Variants in HMCN2 observed in about 807,000 individuals in gnomAD.
HMCN2 encodes hemicentin-2.
Under a neutral mutation model 377.5 loss-of-function variants are expected in HMCN2, and 325 were observed. The observed-to-expected ratio is 0.86, with a 90% CI of 0.79 to 0.94. HMCN2 has a LOEUF of 0.94. Ranked by LOEUF, HMCN2 falls within the 40% of genes least tolerant of loss-of-function variation. The pLI, the probability that HMCN2 is intolerant of heterozygous loss-of-function variation, is 0.00. For synonymous variants in HMCN2, 2,007 were observed against 2,046.8 expected (o/e 0.98, Z 0.53); for missense variants, 4,543 against 4,725.3 (o/e 0.96, Z 1.13).
intron 84 of HMCN2, among the ~76,000 whole-genome samples, chr9:130,410,349 C>T (rs1843343039): frequency 6.6e-6 from 1 of 152,202 alleles, no homozygotes; most frequent in African/African-American, 2.4e-5. Flanking sequence ...GTAGTCACAG[C>T]CCCCTGTTTT....
At position 130,395,364 on chromosome 9, in the gene HMCN2, GC is replaced by G; in HGVS notation, c.10911+21del. ...GTGCTGCAGGTGGGCGCCAGGCAGG[GC>G]CCCAGGGTGCTGCCTTCTGTCCCGC... On this transcript the variant is annotated intron_variant, in intron 71 of 97. Coordinates refer to ENST00000683500, the MANE Select transcript of HMCN2 (RefSeq NM_001291815.2). The G allele has an allele frequency of 7.8e-7, 1 of 1,280,436 alleles. No individual in the cohort carries two copies. 79.3% of individuals were successfully genotyped at this position (1,280,436 alleles called of 1,614,324 possible).
At chr9:130,334,555 T>G (rs1303173339) in intron 22 of HMCN2, among the ~76,000 whole-genome samples, 19 of 146,574 alleles carry the variant, frequency 1.3e-4, no homozygotes, top group African/African-American at 4.3e-4. Context: ...GGAAGTTTTT[T>G]TTTTTTTTTT....
rs1477225894 is a variant in HMCN2 at position 130,397,664 on chromosome 9, C to G, written c.11326+9C>G. The stretch of plus-strand genomic sequence containing the variant: ...TGACCTACGGGTCTTGGGTAGGTGG[C>G]CTGGGGAAGGCCTTCAGTGTCCAGT... On this transcript the variant is annotated intron_variant, in intron 74 of 97. Transcript: ENST00000683500. 7 of 1,289,428 alleles carry G rather than the reference C, an allele frequency of 5.4e-6. No homozygotes were observed. The African/African-American group carries it at 7.6e-5, about 14-fold the overall frequency. 79.9% of individuals were successfully genotyped at this position (1,289,428 alleles called of 1,614,324 possible).
intron 1 of HMCN2, among the ~76,000 whole-genome samples, chr9:130,274,409 A>G (rs1216089431): frequency 6.6e-6 from 1 of 152,108 alleles, no homozygotes; most frequent in East Asian, 1.9e-4. Flanking sequence ...CTGCTTGGTC[A>G]CGGTGGATTA....
chr9:130,348,114 C>T lies in HMCN2; in HGVS notation c.4025-431C>T, dbSNP rs1362677123. The T allele has an allele frequency of 1.4e-5, 12 of 866,114 alleles. No individual in the cohort carries two copies. In the South Asian group the frequency reaches 4.2e-4, roughly 31 times the overall value. 53.7% of individuals were successfully genotyped at this position (866,114 alleles called of 1,614,324 possible). ...CTTGGGCAGTTCTACCAGCTCCTAA[C>T]GCCACCTGCTGCTTCCCCAGGACCA... On this transcript the variant is annotated intron_variant, in intron 26 of 97. Transcript: ENST00000683500.
In HMCN2 at chr9:130,385,698, T is replaced by C; in HGVS notation, c.9245T>C (p.Leu3082Pro). 2.3e-6 allele frequency: 3 copies of C among 1,304,178 alleles called. No individual in the cohort carries two copies. The highest frequency in any genetic ancestry group is 3.0e-6 in the Non-Finnish European group (3 of 988,918). The allele number at this position is 1,304,178 out of a possible 1,614,324, so 80.8% of individuals were successfully genotyped here. The change falls in exon 60 of 98, where the codon CTG becomes CCG. Residue 3082 changes from leucine to proline, a missense_variant. By Grantham distance (98) the Leu-to-Pro change is moderately conservative. Around this residue, in one of 5 missense-constraint regions of HMCN2, gnomAD observed 736 missense variants for 773.2 expected, o/e 0.95. Coordinates refer to ENST00000683500, the MANE Select transcript of HMCN2 (RefSeq NM_001291815.2). ...TVTWYKDGQPLVLAQRTQALR... is the reference protein window; with the variant it reads ...TVTWYKDGQPPVLAQRTQALR... Reference sequence around the variant, plus strand: ...ACCTGGTACAAGGATGGGCAGCCCCTGGTCCTGGCACAGCGGACCCAGGCT... The same window carrying C: ...ACCTGGTACAAGGATGGGCAGCCCCCGGTCCTGGCACAGCGGACCCAGGCT...
At chr9:130,294,144 G>T (rs1554931062) in intron 4 of HMCN2, among the ~76,000 whole-genome samples, 1 of 152,102 alleles carries the variant, frequency 6.6e-6, no homozygotes, top group South Asian at 2.1e-4. Context: ...TGTGGTAGGG[G>T]GAGTATCTCT....
rs557328693 is a variant in HMCN2, at chr9:130,352,970, C to T, written c.4629C>T (p.Ala1543=). 71 of 1,301,972 alleles carry T rather than the reference C, an allele frequency of 5.5e-5. 3 individuals are homozygous for T. The East Asian group carries it at 3.2e-3, about 59-fold the overall frequency. 80.7% of individuals were successfully genotyped at this position (1,301,972 alleles called of 1,614,324 possible). A position where few individuals can be genotyped will look rare whatever the true frequency, so the allele number is the denominator to read the frequency against. ...GCTCCAACGAGACAGGCGAGGTGGC[C>T]GTCATGGAGGACCACCTAGTGCAGC... ...IWGSNETGEV[A]VMEDHLVQLL... is the part of the protein sequence containing the mutation. The change falls in exon 31 of 98, where the codon GCC becomes GCT. Residue 1543 remains alanine, a synonymous_variant. Transcript: ENST00000683500.
chr9:130,293,286 T>G (rs1479813796), intron 4 of HMCN2, among the ~76,000 whole-genome samples: 1 of 140,104 alleles, frequency 7.1e-6, no homozygotes, highest in Non-Finnish European at 1.5e-5. Flanking sequence ...AAAGTTTTTT[T>G]TTTTTTTTTT....
chr9:130,288,370 G>A (rs1167402510), intron 4 of HMCN2, among the ~76,000 whole-genome samples: 3 of 152,218 alleles, frequency 2.0e-5, no homozygotes, highest in Non-Finnish European at 4.4e-5. Flanking sequence ...TAGGGGCCTG[G>A]AACCCTCTCC....
At position 130,295,718 on chromosome 9, in the gene HMCN2, C is replaced by G. The variant is rs782574843; in HGVS notation, c.837C>G (p.Asp279Glu). The change falls in exon 6 of 98, where the codon GAC becomes GAG. Residue 279 changes from aspartate (D) to glutamate (E), a missense_variant. By Grantham distance (45) the Asp-to-Glu change is conservative. This residue lies in a region of HMCN2 where 547 missense variants were observed against 189.9 expected (regional missense o/e 2.88). Transcript: ENST00000683500. The part of the protein sequence containing the change: ...EGLNVLLNIP[D>E]SAKVVAFKPE... ...TCAACGTGCTTCTCAACATCCCTGACTCGGCCAAGGTCGTAGCCTTTAAGC... is the reference window on the plus strand; with the variant it reads ...TCAACGTGCTTCTCAACATCCCTGAGTCGGCCAAGGTCGTAGCCTTTAAGC... 2.1e-6 allele frequency: 1 copy of G among 470,990 alleles called. No individual in the cohort carries two copies. The highest frequency in any genetic ancestry group is 1.5e-5 in the South Asian group (1 of 64,560). 29.2% of individuals were successfully genotyped at this position (470,990 alleles called of 1,614,324 possible). A position where few individuals can be genotyped will look rare whatever the true frequency, so the allele number is the denominator to read the frequency against.
At chr9:130,411,568 C>G (rs1292758648) in intron 85 of HMCN2, among the ~76,000 whole-genome samples, 4 of 146,166 alleles carry the variant, frequency 2.7e-5, no homozygotes, top group Non-Finnish European at 5.9e-5. Flanking sequence ...CCATCGCACT[C>G]CAGCCTGGTT....
rs1210895571 is a variant in HMCN2 at position 130,433,341 on chromosome 9, C to T, written c.14895-7C>T. ...TCCGCCTGTCCGTGTGTCTGTGCCGCCCGCAGGACGTGCTTCCGGCGCTGC... is the reference window on the plus strand; with the variant it reads ...TCCGCCTGTCCGTGTGTCTGTGCCGTCCGCAGGACGTGCTTCCGGCGCTGC... On this transcript the variant is annotated splice_region_variant and splice_polypyrimidine_tract_variant and intron_variant, in intron 97 of 97. Coordinates refer to ENST00000683500, the MANE Select transcript of HMCN2 (RefSeq NM_001291815.2). The T allele has an allele frequency of 3.5e-6, 5 of 1,438,310 alleles. No homozygotes were observed. Among genetic ancestry groups the T allele is most frequent in the South Asian group, 2.9e-5 (2 of 70,124 alleles). The allele number at this position is 1,438,310 out of a possible 1,614,324, so 89.1% of individuals were successfully genotyped here. A position where few individuals can be genotyped will look rare whatever the true frequency, so the allele number is the denominator to read the frequency against.
Position 130,419,018 on chromosome 9 carries a change from C to A in HMCN2, c.13208C>A (p.Ala4403Asp). ...VAHNLLGSAT[A>D]RAFLVVRGEP... ...CACAACCTCCTGGGCTCTGCCACAG[C>A]CCGGGCGTTCCTGGTCGTGAGAGGT... The change falls in exon 86 of 98, where the codon GCC (alanine) becomes GAC (aspartate). Residue 4403 changes from alanine (A) to aspartate (D), a missense_variant. Ala to Asp is a moderately radical substitution (Grantham distance 126). This residue lies in a region of HMCN2 where 1,155 missense variants were observed against 1,157.7 expected (regional missense o/e 1.00). Coordinates refer to ENST00000683500, the MANE Select transcript of HMCN2 (RefSeq NM_001291815.2). 5 of 1,489,292 alleles carry A rather than the reference C, an allele frequency of 3.4e-6. No homozygotes were observed. The highest frequency in any genetic ancestry group is 3.6e-6 in the Non-Finnish European group (4 of 1,114,468). The allele number at this position is 1,489,292 out of a possible 1,614,324, so 92.3% of individuals were successfully genotyped here. A position where few individuals can be genotyped will look rare whatever the true frequency, so the allele number is the denominator to read the frequency against.
rs561428041 is a variant in HMCN2 at position 130,433,859 on chromosome 9, G to A, written c.*166G>A. The A allele has an allele frequency of 1.2e-5, 7 of 600,864 alleles. No homozygotes were observed. Among genetic ancestry groups the A allele is most frequent in the Admixed American group, 8.4e-5 (2 of 23,854 alleles). 37.2% of individuals were successfully genotyped at this position (600,864 alleles called of 1,614,324 possible). A position where few individuals can be genotyped will look rare whatever the true frequency, so the allele number is the denominator to read the frequency against. On this transcript the variant is annotated 3_prime_UTR_variant, in exon 98 of 98. Coordinates refer to ENST00000683500, the MANE Select transcript of HMCN2 (RefSeq NM_001291815.2). Reference sequence around the variant, plus strand: ...GACCCTGCGCACAGCCTTGACCCCCGACAGCGAGGACCTGACCTCACAGAG... The same window carrying A: ...GACCCTGCGCACAGCCTTGACCCCCAACAGCGAGGACCTGACCTCACAGAG...
At chr9:130,405,421 A>G (rs7049081) in intron 81 of HMCN2, among the ~76,000 whole-genome samples, 4,594 of 152,288 alleles carry the variant, frequency 0.03, 250 homozygotes, top group African/African-American at 0.1. Context: ...AGCCAGGGGT[A>G]TGGGTGGGAC....
intron 95 of HMCN2, 108 bp from the exon 96 acceptor site, chr9:130,431,259 G>A: frequency 1.8e-6 from 2 of 1,131,554 alleles, no homozygotes; most frequent in Non-Finnish European, 2.5e-6. Flanking sequence ...GAAGGAGCAG[G>A]GCAGCTCCAG....
chr9:130,321,296 G>A (rs1290229744), intron 18 of HMCN2, among the ~76,000 whole-genome samples: 4 of 147,226 alleles, frequency 2.7e-5, no homozygotes, highest in East Asian at 1.9e-4. Context: ...ACCGGCGCGC[G>A]CTGAACGCAC....
At chr9:130,370,895 GC>G (rs1271039833) in intron 45 of HMCN2, 68 bp from the exon 46 acceptor site, 2 of 941,092 alleles carry the variant, frequency 2.1e-6, no homozygotes, top group Non-Finnish European at 2.5e-6. Context: ...AGTCAGTGGG[GC>G]TGGGGAAGGA....
Sources: allele counts gnomAD v4.1 joint callset (sites outside exome capture counted in the v4.1 genomes callset), GRCh38; gene constraint gnomAD v4.1.1; regional missense constraint gnomAD v4.1.1; transcripts MANE v1.5; gene names NCBI Gene and HGNC (gene_info 2026-07-23, HGNC 2026-07-21).